ST6GALNAC3: variants seen among roughly 807,000 people sequenced by gnomAD.
ST6GALNAC3 encodes the protein alpha-N-acetylgalactosaminide alpha-2,6-sialyltransferase 3.
A neutral mutation model predicts 32.7 loss-of-function variants in ST6GALNAC3; 25 were observed. The observed-to-expected ratio is 0.76, with a 90% CI of 0.56 to 1.07. The LOEUF (loss-of-function observed/expected upper bound fraction) is 1.07. Ranked by LOEUF, ST6GALNAC3 falls within the 50% of genes least tolerant of loss-of-function variation. The pLI is 0.00. For synonymous variants in ST6GALNAC3, 129 were observed against 133.1 expected (o/e 0.97, Z 0.21); for missense variants, 355 against 382.4 (o/e 0.93, Z 0.60).
intron 3 of ST6GALNAC3, among the ~76,000 whole-genome samples, chr1:76,623,794 A>G (rs183932931): frequency 3.9e-4 from 59 of 152,084 alleles, no homozygotes; most frequent in African/African-American, 1.4e-3. Flanking sequence ...TCTCATTTCC[A>G]GTATGCTCAC....
At chr1:76,392,657 G>T (rs984451455) in intron 2 of ST6GALNAC3, among the ~76,000 whole-genome samples, 1 of 152,164 alleles carries the variant, frequency 6.6e-6, no homozygotes, top group Admixed American at 6.5e-5. Context: ...GTAAATTAGA[G>T]GTTAGACTTC....
intron 3 of ST6GALNAC3, among the ~76,000 whole-genome samples, chr1:76,449,918 C>A (rs1049296250): frequency 2.6e-5 from 4 of 152,158 alleles, no homozygotes; most frequent in Non-Finnish European, 5.9e-5. Flanking sequence ...ACCCATCACC[C>A]AAACAGTGTA....
intron 3 of ST6GALNAC3, among the ~76,000 whole-genome samples, chr1:76,569,135 A>G (rs1308963593): frequency 2.0e-5 from 3 of 152,178 alleles, no homozygotes; most frequent in Non-Finnish European, 4.4e-5. Flanking sequence ...ATGAAGGGCC[A>G]TATACTGCTG....
chr1:76,156,762 C>T (rs1045395424), intron 1 of ST6GALNAC3, among the ~76,000 whole-genome samples: 3 of 152,152 alleles, frequency 2.0e-5, no homozygotes, highest in Admixed American at 6.5e-5. Flanking sequence ...GACGGAGTCT[C>T]GCTCTCTCGC....
chr1:76,288,095 A>C (rs1251096985), intron 1 of ST6GALNAC3, among the ~76,000 whole-genome samples: 3 of 152,178 alleles, frequency 2.0e-5, no homozygotes, highest in Non-Finnish European at 4.4e-5. Context: ...TTTGACTAAG[A>C]GGCCAGACTC....
chr1:76,082,870 GT>G (rs1351963359), intron 1 of ST6GALNAC3, among the ~76,000 whole-genome samples: 1 of 148,398 alleles, frequency 6.7e-6, no homozygotes, highest in Non-Finnish European at 1.5e-5. Context: ...TCGTTTTCGT[GT>G]TTTTTGTTTT....
In ST6GALNAC3 at chr1:76,426,506, G is replaced by A. The variant is rs557020779; in HGVS notation, c.623+14089G>A. On this transcript the variant is annotated intron_variant, in intron 3 of 4. Coordinates refer to ENST00000328299, the MANE Select transcript of ST6GALNAC3 (RefSeq NM_152996.4). ...CCTATGATAGCAATGCCTTCTTGTG[G>A]AATACTGCCTGAAAGACCTGCCTGC... Among the ~76,000 whole-genome samples, 25 of 151,022 alleles carry A rather than the reference G, an allele frequency of 1.7e-4. No homozygotes were observed. In the South Asian group the frequency reaches 5.0e-3, roughly 30 times the overall value.
chr1:76,163,414 G>A (rs1241146329), intron 1 of ST6GALNAC3, among the ~76,000 whole-genome samples: 1 of 152,206 alleles, frequency 6.6e-6, no homozygotes, highest in African/African-American at 2.4e-5. Flanking sequence ...ACCCTGGGCA[G>A]TGTTGGGAGG....
chr1:76,435,209 A>ATTGAATTAGGAATATTCAAGAAAAAAG (rs1232204559), intron 3 of ST6GALNAC3, among the ~76,000 whole-genome samples: 17 of 152,202 alleles, frequency 1.1e-4, no homozygotes, highest in Admixed American at 8.5e-4. Flanking sequence ...TTCAAAAAGT[A>ATTGAATTAGGAATATTCAAGAAAAAAG]TATTGGTTAG....
intron 2 of ST6GALNAC3, among the ~76,000 whole-genome samples, chr1:76,318,071 T>TA (rs1646899308): frequency 6.6e-6 from 1 of 151,978 alleles, no homozygotes; most frequent in Non-Finnish European, 1.5e-5. Flanking sequence ...TCTGTTTTTT[T>TA]TAAAAAAAAT....
At chr1:76,316,165 T>C (rs1213295402) in intron 2 of ST6GALNAC3, among the ~76,000 whole-genome samples, 1 of 152,144 alleles carries the variant, frequency 6.6e-6, no homozygotes, top group African/African-American at 2.4e-5. Flanking sequence ...CAGATACTAT[T>C]GTATACTTGT....
chr1:76,184,870 G>A (rs1472929382), intron 1 of ST6GALNAC3, among the ~76,000 whole-genome samples: 1 of 152,118 alleles, frequency 6.6e-6, no homozygotes, highest in South Asian at 2.1e-4. Context: ...GTAAAGATTT[G>A]CTTTAATTTT....
intron 3 of ST6GALNAC3, among the ~76,000 whole-genome samples, chr1:76,594,605 G>C (rs2100599349): frequency 6.6e-6 from 1 of 152,296 alleles, no homozygotes; most frequent in South Asian, 2.1e-4. Flanking sequence ...TGGATGCATA[G>C]ATTAGCTAGC....
chr1:76,362,647 G>A (rs1484536672), intron 2 of ST6GALNAC3, among the ~76,000 whole-genome samples: 2 of 152,206 alleles, frequency 1.3e-5, no homozygotes, highest in Admixed American at 6.5e-5. Flanking sequence ...GGGATAAATT[G>A]GCCAAAACAA....
At chr1:76,305,205 G>T (rs1660974595) in intron 1 of ST6GALNAC3, among the ~76,000 whole-genome samples, 1 of 152,064 alleles carries the variant, frequency 6.6e-6, no homozygotes, top group Non-Finnish European at 1.5e-5. Context: ...CTAATCTTAA[G>T]AAGGGCAGCC....
chr1:76,448,952 C>T (rs1657184563), intron 3 of ST6GALNAC3, among the ~76,000 whole-genome samples: 1 of 152,152 alleles, frequency 6.6e-6, no homozygotes, highest in Non-Finnish European at 1.5e-5. Flanking sequence ...TCTCCTGCCT[C>T]AGCTTCCCGT....
chr1:76,153,877 C>G (rs1479221440), intron 1 of ST6GALNAC3, among the ~76,000 whole-genome samples: 1 of 152,112 alleles, frequency 6.6e-6, no homozygotes, highest in Non-Finnish European at 1.5e-5. Context: ...TGCTGTTTGT[C>G]CAAACGGGCG....
intron 3 of ST6GALNAC3, among the ~76,000 whole-genome samples, chr1:76,620,280 C>T (rs896947040): frequency 1.3e-5 from 2 of 151,894 alleles, no homozygotes; most frequent in South Asian, 2.1e-4. Context: ...GGCTGAGATG[C>T]GCAAGTTTAA....
At chr1:76,100,353 A>C (rs1647198206) in intron 1 of ST6GALNAC3, among the ~76,000 whole-genome samples, 2 of 152,130 alleles carry the variant, frequency 1.3e-5, no homozygotes. Flanking sequence ...ATATATTTTA[A>C]AGGAATTTCC....
Sources: gnomAD v4.1 joint callset for allele counts (sites outside exome capture counted in the v4.1 genomes callset) on GRCh38, gnomAD v4.1.1 for gene constraint, MANE v1.5 for transcripts, NCBI Gene and HGNC (gene_info 2026-07-23, HGNC 2026-07-21) for gene names.